ULK4: variants seen among roughly 807,000 people sequenced by gnomAD.
ULK4 encodes unc-51 like kinase 4.
A neutral mutation model predicts 160.6 loss-of-function variants in ULK4; 133 were observed. The observed-to-expected ratio is 0.83, with a 90% CI of 0.72 to 0.96. ULK4 has a LOEUF of 0.96. Among genes scored for constraint, ULK4 ranks in the 40% least tolerant of loss-of-function variants. The probability of loss-of-function intolerance (pLI) is 0.00; values close to 1 mark genes in which losing one functional copy is unlikely to be tolerated. For missense variants in ULK4, 1,580 were observed against 1,499.5 expected, an observed-to-expected ratio of 1.05 and a Z score of -0.89; for synonymous variants, 534 against 539.8, an observed-to-expected ratio of 0.99 and a Z score of 0.15.
intron 22 of ULK4, among the ~76,000 whole-genome samples, chr3:41,733,650 G>C (rs1220144388): frequency 6.8e-6 from 1 of 146,918 alleles, no homozygotes; most frequent in African/African-American, 2.6e-5. Flanking sequence ...CTCCCAAAAA[G>C]ACTTTTTTAG....
At chr3:41,698,906 G>C (rs562486571) in intron 27 of ULK4, among the ~76,000 whole-genome samples, 2 of 152,110 alleles carry the variant, frequency 1.3e-5, no homozygotes, top group East Asian at 3.9e-4. Flanking sequence ...TTTCGTATTT[G>C]TTAACTTTAG....
In ULK4 at chr3:41,822,574, C is replaced by T. The variant is rs531742759; in HGVS notation, c.1765-3068G>A. On this transcript the variant is annotated intron_variant, in intron 18 of 36. Transcript: ENST00000301831. ...CTGGGATTACAGGCCTGAGCCACCA[C>T]ACCCGGCTAATTTTTTGTAGTTTTA... is the stretch of plus-strand genomic sequence containing the variant. 3.9e-5 allele frequency among the ~76,000 whole-genome samples: 6 copies of T among 152,046 alleles called. No homozygotes were observed. In the South Asian group the frequency reaches 1.2e-3, roughly 32 times the overall value.
chr3:41,298,003 C>T (rs1419785310), intron 35 of ULK4, among the ~76,000 whole-genome samples: 1 of 152,198 alleles, frequency 6.6e-6, no homozygotes, highest in Non-Finnish European at 1.5e-5. Context: ...AGCACTTTGC[C>T]TCATCGGTTT....
intron 33 of ULK4, among the ~76,000 whole-genome samples, chr3:41,461,722 AG>A (rs1202403008): frequency 4.6e-5 from 7 of 152,238 alleles, no homozygotes; most frequent in Non-Finnish European, 1.0e-4. Flanking sequence ...AGTAAAAAAA[AG>A]AATTTCTATT....
intron 32 of ULK4, among the ~76,000 whole-genome samples, chr3:41,492,960 C>T (rs2084843500): frequency 7.0e-6 from 1 of 143,510 alleles, no homozygotes; most frequent in African/African-American, 2.6e-5. Flanking sequence ...GAGACTTAGA[C>T]TCCCACACAA....
chr3:41,861,166 A>C (rs936272087), intron 17 of ULK4, among the ~76,000 whole-genome samples: 4 of 152,182 alleles, frequency 2.6e-5, no homozygotes, highest in African/African-American at 9.7e-5. Context: ...CTTTCTACTT[A>C]TAGTAGAAGT....
rs372556938 is a variant in ULK4, at chr3:41,705,086, G to A, written c.2752C>T (p.Pro918Ser). The change falls in exon 27 of 37, where the codon CCT (proline) becomes TCT (serine). Residue 918 changes from proline to serine, a missense_variant. Pro to Ser is a moderately conservative substitution (Grantham distance 74, BLOSUM62 -1). Coordinates refer to ENST00000301831, the MANE Select transcript of ULK4 (RefSeq NM_017886.4). The stretch of plus-strand genomic sequence containing the variant: ...GAGCGATAGTCTTTCAATAAAATAG[G>A]ATACTGTATTATTGCTTCAAAAGCT... ...LSAFEAIIQYPILLKDYRSTV... is the reference protein window; with the variant it reads ...LSAFEAIIQYSILLKDYRSTV... 1.9e-5 allele frequency: 31 copies of A among 1,613,268 alleles called. No homozygotes were observed. Among genetic ancestry groups the A allele is most frequent in the Non-Finnish European group, 2.5e-5 (29 of 1,179,806 alleles).
chr3:41,642,368 A>T (rs946327740), intron 30 of ULK4, among the ~76,000 whole-genome samples: 7 of 151,666 alleles, frequency 4.6e-5, no homozygotes, highest in African/African-American at 1.5e-4. Context: ...GTCCCCAGAG[A>T]GTGATGTTCC....
intron 27 of ULK4, among the ~76,000 whole-genome samples, chr3:41,690,375 G>A (rs1286990905): frequency 2.6e-5 from 4 of 151,026 alleles, no homozygotes; most frequent in Non-Finnish European, 5.9e-5. Flanking sequence ...ACACCAGCAT[G>A]GCACATGTAT....
chr3:41,569,929 C>T (rs1026375866), intron 31 of ULK4, among the ~76,000 whole-genome samples: 3 of 152,166 alleles, frequency 2.0e-5, no homozygotes, highest in African/African-American at 7.2e-5. Context: ...GCCAATTAAA[C>T]TTACATGGGC....
Position 41,641,990 on chromosome 3 carries a change from C to G in ULK4, c.3071+21617G>C, listed in dbSNP as rs545073256. Reference sequence around the variant, plus strand: ...TCCCAGGTTCAAGTGGTTCTCGTGCCTCAGCCTCCCAAGTAGCTGGAATTA... The same window carrying G: ...TCCCAGGTTCAAGTGGTTCTCGTGCGTCAGCCTCCCAAGTAGCTGGAATTA... On this transcript the variant is annotated intron_variant, in intron 30 of 36. Transcript: ENST00000301831. 5.3e-5 allele frequency among the ~76,000 whole-genome samples: 8 copies of G among 151,740 alleles called. No individual in the cohort carries two copies. The South Asian group carries it at 6.3e-4, about 12-fold the overall frequency.
rs570248002 is a variant in ULK4, at chr3:41,367,667, T to C, written c.3678+30412A>G. On this transcript the variant is annotated intron_variant, in intron 35 of 36. Coordinates refer to ENST00000301831, the MANE Select transcript of ULK4 (RefSeq NM_017886.4). The stretch of plus-strand genomic sequence containing the variant: ...ACACTCTCTCAAAACAGTTGTCTTC[T>C]AGAAATTTCTCAAATTAGGCATCTA... 3.3e-5 allele frequency among the ~76,000 whole-genome samples: 5 copies of C among 152,326 alleles called. No individual in the cohort carries two copies. The South Asian group carries it at 1.0e-3, about 32-fold the overall frequency.
chr3:41,353,789 G>A (rs2080972501), intron 35 of ULK4, among the ~76,000 whole-genome samples: 1 of 151,218 alleles, frequency 6.6e-6, no homozygotes, highest in African/African-American at 2.4e-5. Context: ...TAACTTTCCT[G>A]GTCTTACTTC....
intron 32 of ULK4, among the ~76,000 whole-genome samples, chr3:41,547,198 T>A (rs1434791562): frequency 6.6e-6 from 1 of 152,196 alleles, no homozygotes; most frequent in Non-Finnish European, 1.5e-5. Flanking sequence ...GAAATGGTAC[T>A]CCCAACATTT....
chr3:41,671,086 G>A (rs2035522410), intron 29 of ULK4, among the ~76,000 whole-genome samples: 1 of 151,940 alleles, frequency 6.6e-6, no homozygotes, highest in Non-Finnish European at 1.5e-5. Context: ...ATCTACAAAA[G>A]ATTTATCAAA....
chr3:41,608,278 T>G (rs909368348), intron 31 of ULK4, among the ~76,000 whole-genome samples: 4 of 151,820 alleles, frequency 2.6e-5, no homozygotes, highest in African/African-American at 9.7e-5. Flanking sequence ...GCACATAAAT[T>G]CTTCTTTTTC....
At chr3:41,935,054 T>C (rs1467032171) in intron 4 of ULK4, among the ~76,000 whole-genome samples, 2 of 137,292 alleles carry the variant, frequency 1.5e-5, no homozygotes, top group African/African-American at 5.4e-5. Context: ...GGAGTCTCGC[T>C]CTGTCACCCA....
chr3:41,863,211 G>C (rs1559615861), intron 17 of ULK4, among the ~76,000 whole-genome samples: 1 of 151,208 alleles, frequency 6.6e-6, no homozygotes, highest in Non-Finnish European at 1.5e-5. Context: ...AAAGGGAGAG[G>C]ATCCTCACCT....
At chr3:41,856,531 ATGTATG>A (rs1245180526) in intron 17 of ULK4, among the ~76,000 whole-genome samples, 89 of 117,500 alleles carry the variant, frequency 7.6e-4, no homozygotes, top group African/African-American at 2.7e-3. Flanking sequence ...ATATATATAT[ATGTATG>A]TATATATATA....
Sources: allele counts gnomAD v4.1 joint callset (sites outside exome capture counted in the v4.1 genomes callset), GRCh38; gene constraint gnomAD v4.1.1; transcripts MANE v1.5; gene names NCBI Gene and HGNC (gene_info 2026-07-23, HGNC 2026-07-21).